The following DCTN6 variants were observed in gnomAD, a reference collection of about 807,000 sequenced individuals.
DCTN6 encodes the protein dynactin subunit 6.
In DCTN6, 15 loss-of-function variants were observed where a neutral mutation model predicts 25.8. The observed-to-expected ratio is 0.58, with a 90% CI of 0.39 to 0.89. The LOEUF (loss-of-function observed/expected upper bound fraction) is 0.89. DCTN6 is among the 40% of genes least tolerant of loss of function. The pLI, the probability that DCTN6 is intolerant of heterozygous loss-of-function variation, is 0.00. For missense variants in DCTN6, 198 were observed against 237.6 expected (o/e 0.83, Z 1.09); for synonymous variants, 64 against 78.3 (o/e 0.82, Z 0.96).
chr8:30,156,813 A>C (rs1803532749), intron 1 of DCTN6, among the ~76,000 whole-genome samples: 1 of 152,040 alleles, frequency 6.6e-6, no homozygotes, highest in Non-Finnish European at 1.5e-5. Flanking sequence ...TCTCTGCTGC[A>C]TGTTGCGAGA....
At chr8:30,182,068 T>C (rs1312143409) in intron 6 of DCTN6, among the ~76,000 whole-genome samples, 1 of 152,178 alleles carries the variant, frequency 6.6e-6, no homozygotes, top group Non-Finnish European at 1.5e-5. Flanking sequence ...TCATTTGTTT[T>C]ACTTTCTACA....
chr8:30,170,410 AG>A (rs771520256), intron 2 of DCTN6, among the ~76,000 whole-genome samples: 29 of 152,310 alleles, frequency 1.9e-4, no homozygotes, highest in Non-Finnish European at 2.8e-4. Flanking sequence ...TGCTGCCAGC[AG>A]GTGGAGGTGG....
chr8:30,165,003 AGCC>A (rs965033240), intron 2 of DCTN6, among the ~76,000 whole-genome samples: 2 of 152,240 alleles, frequency 1.3e-5, no homozygotes, highest in African/African-American at 4.8e-5. Context: ...GTTGCATTGC[AGCC>A]GCTAATGAGA....
At chr8:30,171,357 C>T (rs1245063635) in intron 2 of DCTN6, among the ~76,000 whole-genome samples, 1 of 152,084 alleles carries the variant, frequency 6.6e-6, no homozygotes, top group East Asian at 1.9e-4. Flanking sequence ...TCAAGCAATC[C>T]TCCCACCTCA....
intron 2 of DCTN6, among the ~76,000 whole-genome samples, 193 bp from the exon 3 acceptor site, chr8:30,174,892 T>C (rs1320203975): frequency 1.8e-4 from 27 of 152,150 alleles, no homozygotes; most frequent in Admixed American, 1.8e-3. Flanking sequence ...TCCACTCACA[T>C]TGGCTTGCAA....
chr8:30,160,133 A>C (rs948300743), intron 1 of DCTN6, among the ~76,000 whole-genome samples: 5 of 151,972 alleles, frequency 3.3e-5, no homozygotes, highest in African/African-American at 4.8e-5. Context: ...CCTCACACCC[A>C]TCCTTCTGTA....
chr8:30,174,810 C>T (rs540188292), intron 2 of DCTN6, among the ~76,000 whole-genome samples: 1 of 152,322 alleles, frequency 6.6e-6, no homozygotes, highest in African/African-American at 2.4e-5. Context: ...ACCTCTGTTT[C>T]ACCGCTGAGA....
chr8:30,160,301 T>G (rs1400620754), intron 1 of DCTN6, among the ~76,000 whole-genome samples: 4 of 152,186 alleles, frequency 2.6e-5, no homozygotes, highest in East Asian at 1.9e-4. Flanking sequence ...TCTCATGAGA[T>G]CTAATGGTTT....
chr8:30,160,867 G>T (rs1348250811), intron 1 of DCTN6, among the ~76,000 whole-genome samples: 1 of 152,178 alleles, frequency 6.6e-6, no homozygotes, highest in Non-Finnish European at 1.5e-5. Flanking sequence ...GGTCCATGGG[G>T]CCTGTAACAA....
At chr8:30,175,443 A>G (rs1803818285) in intron 3 of DCTN6, among the ~76,000 whole-genome samples, 1 of 152,112 alleles carries the variant, frequency 6.6e-6, no homozygotes, top group African/African-American at 2.4e-5. Flanking sequence ...TCTTCCCCTT[A>G]CATGTGGCTA....
At chr8:30,175,966 G>A (rs1198286276) in intron 3 of DCTN6, among the ~76,000 whole-genome samples, 3 of 152,210 alleles carry the variant, frequency 2.0e-5, no homozygotes, top group African/African-American at 7.2e-5. Flanking sequence ...ATATTCTGCA[G>A]TAACTCAACT....
At chr8:30,161,159 T>G (rs527469844) in intron 1 of DCTN6, among the ~76,000 whole-genome samples, 8 of 152,180 alleles carry the variant, frequency 5.3e-5, no homozygotes, top group Non-Finnish European at 2.9e-5. Context: ...TGGTAGTTTT[T>G]CCTGCGCTCA....
At chr8:30,162,971 A>G (rs1803616140) in intron 1 of DCTN6, among the ~76,000 whole-genome samples, 1 of 146,730 alleles carries the variant, frequency 6.8e-6, no homozygotes, top group South Asian at 2.2e-4. Context: ...TTTTAACAAT[A>G]TAGCTTGGAG....
At chr8:30,166,722 C>T (rs1455058746) in intron 2 of DCTN6, among the ~76,000 whole-genome samples, 1 of 152,122 alleles carries the variant, frequency 6.6e-6, no homozygotes, top group Non-Finnish European at 1.5e-5. Flanking sequence ...CTGTTTCTCT[C>T]TCTGGTTTTC....
At chr8:30,156,483 C>T (rs1227256795) in intron 1 of DCTN6, 77 bp downstream of exon 1, 1 of 1,520,996 alleles carries the variant, frequency 6.6e-7, no homozygotes, top group African/African-American at 1.4e-5. Flanking sequence ...CCAATGGTGG[C>T]GACTCAGAAG....
At chr8:30,178,038 T>A (rs1441822919) in intron 4 of DCTN6, among the ~76,000 whole-genome samples, 4 of 152,186 alleles carry the variant, frequency 2.6e-5, no homozygotes, top group African/African-American at 9.6e-5. Context: ...CTCTGTAGTT[T>A]TAGGTAGACA....
chr8:30,178,418 G>A (rs909218890), intron 4 of DCTN6, among the ~76,000 whole-genome samples: 3 of 148,888 alleles, frequency 2.0e-5, no homozygotes, highest in Admixed American at 6.8e-5. Context: ...AGCTGAGATC[G>A]CGCCATTGCA....
intron 3 of DCTN6, 117 bp downstream of exon 3, chr8:30,175,307 G>C (rs1803816174): frequency 3.8e-6 from 3 of 798,404 alleles, no homozygotes; most frequent in African/African-American, 1.7e-5. Context: ...TTTAGAGCTA[G>C]AGAAGCATTA....
At chr8:30,167,285 C>A (rs1803690799) in intron 2 of DCTN6, among the ~76,000 whole-genome samples, 1 of 151,866 alleles carries the variant, frequency 6.6e-6, no homozygotes, top group South Asian at 2.1e-4. Context: ...CAGTGTGAGA[C>A]CCTGTCTCAA....
Sources: gnomAD v4.1 joint callset for allele counts (sites outside exome capture counted in the v4.1 genomes callset) on GRCh38, gnomAD v4.1.1 for gene constraint, MANE v1.5 for transcripts, NCBI Gene and HGNC (gene_info 2026-07-23, HGNC 2026-07-21) for gene names.